Variants in ROR2 observed in about 807,000 individuals in gnomAD.
ROR2 encodes ROR family WNT receptor 2.
Under a neutral mutation model 74.9 loss-of-function variants are expected in ROR2, and 33 were observed. The ratio of observed to expected loss-of-function variants is 0.44; its 90% CI spans 0.33 to 0.59. The LOEUF (loss-of-function observed/expected upper bound fraction) is 0.59. ROR2 is among the 20% of genes least tolerant of loss of function. ROR2 has a pLI of 0.02. For synonymous variants in ROR2, 586 were observed against 558.7 expected (o/e 1.05, Z -0.69); for missense variants, 1,216 against 1,313.8 (o/e 0.93, Z 1.15).
chr9:91,853,813 G>A (rs918963082), intron 1 of ROR2, among the ~76,000 whole-genome samples: 1 of 152,190 alleles, frequency 6.6e-6, no homozygotes, highest in African/African-American at 2.4e-5. Flanking sequence ...TGGGGCTGTG[G>A]GCAGCAAGGA....
chr9:91,832,125 T>C (rs1033507423), intron 1 of ROR2, among the ~76,000 whole-genome samples: 1 of 152,070 alleles, frequency 6.6e-6, no homozygotes, highest in Non-Finnish European at 1.5e-5. Context: ...GAATCTCTCA[T>C]AGAGCCCAAG....
chr9:91,848,610 C>T (rs1377131297), intron 1 of ROR2, among the ~76,000 whole-genome samples: 1 of 151,916 alleles, frequency 6.6e-6, no homozygotes, highest in Admixed American at 6.6e-5. Flanking sequence ...CAAAATTAGC[C>T]AGGTGTGGTG....
chr9:91,892,134 T>C (rs532764452), intron 1 of ROR2, among the ~76,000 whole-genome samples: 1 of 151,174 alleles, frequency 6.6e-6, no homozygotes, highest in East Asian at 2.0e-4. Flanking sequence ...TCCCAACCTC[T>C]AGGCCCAGAT....
chr9:91,747,813 G>A (rs1825473401), intron 4 of ROR2, among the ~76,000 whole-genome samples: 1 of 152,174 alleles, frequency 6.6e-6, no homozygotes, highest in Non-Finnish European at 1.5e-5. Context: ...ACTCATGGCT[G>A]CAGAAAGATG....
chr9:91,895,050 A>G (rs1830504117), intron 1 of ROR2, among the ~76,000 whole-genome samples: 1 of 152,234 alleles, frequency 6.6e-6, no homozygotes, highest in East Asian at 1.9e-4. Flanking sequence ...AGGGTACACA[A>G]ATTGTGGTAC....
At position 91,730,542 on chromosome 9, in the gene ROR2, C is replaced by T. The variant is rs546588754; in HGVS notation, c.1183+368G>A. On this transcript the variant is annotated intron_variant, in intron 7 of 8. Transcript: ENST00000375708. ...GTGTCACAATCTTGGCTCACTGCAACCTCCGCTTCCCAGGCTCAAGTGATT... is the reference window on the plus strand; with the variant it reads ...GTGTCACAATCTTGGCTCACTGCAATCTCCGCTTCCCAGGCTCAAGTGATT... Among the ~76,000 whole-genome samples the T allele has an allele frequency of 2.6e-5, 4 of 152,280 alleles. No individual in the cohort carries two copies. In the East Asian group the frequency reaches 7.7e-4, roughly 29 times the overall value.
chr9:91,824,096 A>T (rs1828214520), intron 1 of ROR2, among the ~76,000 whole-genome samples: 1 of 152,252 alleles, frequency 6.6e-6, no homozygotes, highest in Non-Finnish European at 1.5e-5. Context: ...TCATGTGCCG[A>T]CGATAGAATC....
At chr9:91,882,157 A>G (rs1444135998) in intron 1 of ROR2, among the ~76,000 whole-genome samples, 1 of 152,140 alleles carries the variant, frequency 6.6e-6, no homozygotes, top group East Asian at 1.9e-4. Flanking sequence ...CATGCCTGTA[A>G]TTCTAACACT....
intron 1 of ROR2, among the ~76,000 whole-genome samples, chr9:91,860,957 C>T: frequency 6.6e-6 from 1 of 152,076 alleles, no homozygotes; most frequent in African/African-American, 2.4e-5. Flanking sequence ...TTTCTATATG[C>T]TAGCAATAAA....
At chr9:91,819,181 C>T (rs898099553) in intron 1 of ROR2, among the ~76,000 whole-genome samples, 11 of 152,108 alleles carry the variant, frequency 7.2e-5, no homozygotes, top group Non-Finnish European at 1.2e-4. Flanking sequence ...AGGGAGCTGG[C>T]GGGCAATGAG....
At chr9:91,854,754 C>A (rs1221551993) in intron 1 of ROR2, among the ~76,000 whole-genome samples, 1 of 152,184 alleles carries the variant, frequency 6.6e-6, no homozygotes, top group Non-Finnish European at 1.5e-5. Context: ...TCAAGCAAAA[C>A]CACTTACACA....
intron 1 of ROR2, among the ~76,000 whole-genome samples, chr9:91,897,161 T>C (rs1830557392): frequency 6.6e-6 from 1 of 152,268 alleles, no homozygotes; most frequent in Non-Finnish European, 1.5e-5. Flanking sequence ...GTGATCAGAA[T>C]AACTGCTCCC....
intron 1 of ROR2, among the ~76,000 whole-genome samples, chr9:91,855,382 G>A (rs1829246388): frequency 6.6e-6 from 1 of 152,250 alleles, no homozygotes; most frequent in Admixed American, 6.5e-5. Flanking sequence ...AGAGAGATCA[G>A]GGCACGGCGT....
chr9:91,887,635 C>G (rs1830319821), intron 1 of ROR2, among the ~76,000 whole-genome samples: 2 of 152,132 alleles, frequency 1.3e-5, no homozygotes, highest in Admixed American at 6.5e-5. Context: ...GAGGGGTTCT[C>G]TGACCTATGC....
At chr9:91,902,916 AACAG>A (rs1489539858) in intron 1 of ROR2, among the ~76,000 whole-genome samples, 4 of 152,010 alleles carry the variant, frequency 2.6e-5, no homozygotes, top group African/African-American at 9.7e-5. Flanking sequence ...AATGCATAGA[AACAG>A]AAGGTAGAAT....
At chr9:91,885,264 G>A (rs1830237997) in intron 1 of ROR2, among the ~76,000 whole-genome samples, 1 of 152,120 alleles carries the variant, frequency 6.6e-6, no homozygotes, top group Non-Finnish European at 1.5e-5. Flanking sequence ...AAGAGCAAAG[G>A]GCACCGGAAA....
In ROR2 at chr9:91,764,036, T is replaced by C. The variant is rs1454162700; in HGVS notation, c.176-6477A>G. Reference sequence around the variant, plus strand: ...GTTTTTCATATTTTTAATATGTTTATCTACTAGATTCAAAGACTTTGCATT... The same window carrying C: ...GTTTTTCATATTTTTAATATGTTTACCTACTAGATTCAAAGACTTTGCATT... On this transcript the variant is annotated intron_variant, in intron 2 of 8. Coordinates refer to ENST00000375708, the MANE Select transcript of ROR2 (RefSeq NM_004560.4). 2.6e-5 allele frequency among the ~76,000 whole-genome samples: 4 copies of C among 152,386 alleles called. No individual in the cohort carries two copies. The East Asian group carries it at 5.8e-4, about 22-fold the overall frequency.
rs1827399623 is a variant in ROR2, at chr9:91,802,065, GTGTTT to G, written c.98-26252_98-26248del. ...AACAAACCTTTTCTTAATTTGGAAG[GTGTTT>G]TTTTTTTTTTTTTTTTTTTTGGAGA... On this transcript the variant is annotated intron_variant, in intron 1 of 8. Transcript: ENST00000375708. Among the ~76,000 whole-genome samples, 2 of 140,650 alleles carry G rather than the reference GTGTTT, an allele frequency of 1.4e-5. 1 individual carries two copies. The highest frequency in any genetic ancestry group is 5.5e-5 in the African/African-American group (2 of 36,546). 92.3% of individuals were successfully genotyped at this position (140,650 alleles called of 152,430 possible). A position where few individuals can be genotyped will look rare whatever the true frequency, so the allele number is the denominator to read the frequency against.
chr9:91,836,698 G>A (rs981231936), intron 1 of ROR2, among the ~76,000 whole-genome samples: 1 of 152,200 alleles, frequency 6.6e-6, no homozygotes, highest in Non-Finnish European at 1.5e-5. Context: ...TCAGCTCTGA[G>A]GGTGGCAGGA....
Sources: gnomAD v4.1 joint callset for allele counts (sites outside exome capture counted in the v4.1 genomes callset) on GRCh38, gnomAD v4.1.1 for gene constraint, MANE v1.5 for transcripts, NCBI Gene and HGNC (gene_info 2026-07-23, HGNC 2026-07-21) for gene names.